The following SFMBT2 variants were observed in gnomAD, a reference collection of about 807,000 sequenced individuals.
SFMBT2 encodes scm-like with four MBT domains protein 2.
In SFMBT2, 38 loss-of-function variants were observed where a neutral mutation model predicts 110.1. That is an observed-to-expected ratio of 0.35 (90% CI 0.27 to 0.45). The LOEUF (loss-of-function observed/expected upper bound fraction) is 0.45, where lower values mean the gene tolerates loss of function less well. Among genes scored for constraint, SFMBT2 ranks in the 20% least tolerant of loss-of-function variants. The probability of loss-of-function intolerance (pLI) is 1.00; values close to 1 mark genes in which losing one functional copy is unlikely to be tolerated. For synonymous variants in SFMBT2, 425 were observed against 425.4 expected (o/e 1.00, Z 0.01); for missense variants, 1,011 against 1,094.9 (o/e 0.92, Z 1.08).
intron 12 of SFMBT2, chr10:7,203,175 TCCAA>T: frequency 2.2e-6 from 2 of 927,918 alleles, no homozygotes; most frequent in Non-Finnish European, 2.6e-6. Context: ...ATAAATTAAT[TCCAA>T]CAAAACTTCT....
chr10:7,239,260 A>T (rs1284687096), intron 9 of SFMBT2, among the ~76,000 whole-genome samples: 1 of 152,230 alleles, frequency 6.6e-6, no homozygotes, highest in Non-Finnish European at 1.5e-5. Flanking sequence ...AACCCAATAC[A>T]TTCATGGGAA....
At chr10:7,264,264 C>G (rs555699773) in intron 7 of SFMBT2, 2 of 240,526 alleles carry the variant, frequency 8.3e-6, no homozygotes, top group African/African-American at 4.6e-5. Context: ...CCAACCAAAC[C>G]AGACTCAATG....
chr10:7,355,682 G>A (rs975090037), intron 4 of SFMBT2, among the ~76,000 whole-genome samples: 3 of 152,098 alleles, frequency 2.0e-5, no homozygotes, highest in Non-Finnish European at 4.4e-5. Flanking sequence ...GCGTGGTGGC[G>A]GGCGCCTGTA....
intron 11 of SFMBT2, chr10:7,206,483 C>T: frequency 2.0e-6 from 2 of 985,388 alleles, no homozygotes; most frequent in Non-Finnish European, 2.4e-6. Flanking sequence ...GGACAAGGCC[C>T]TTCTCTAGGA....
intron 9 of SFMBT2, among the ~76,000 whole-genome samples, chr10:7,230,523 C>T (rs1840086604): frequency 6.6e-6 from 1 of 152,232 alleles, no homozygotes. Context: ...GGGCCTGGAA[C>T]TGGAGAAGAG....
At chr10:7,190,562 C>T (rs1242941941) in intron 15 of SFMBT2, among the ~76,000 whole-genome samples, 2 of 152,222 alleles carry the variant, frequency 1.3e-5, no homozygotes, top group Non-Finnish European at 2.9e-5. Flanking sequence ...TCAACAAGCT[C>T]TCTATAAAAC....
chr10:7,352,130 C>T (rs1443060054), intron 4 of SFMBT2, among the ~76,000 whole-genome samples: 10 of 152,200 alleles, frequency 6.6e-5, no homozygotes, highest in Admixed American at 2.6e-4. Flanking sequence ...GTATACTGGT[C>T]GGAGGAGCCA....
At chr10:7,406,252 AAAAG>A (rs1367342491) in intron 1 of SFMBT2, among the ~76,000 whole-genome samples, 2 of 152,094 alleles carry the variant, frequency 1.3e-5, no homozygotes, top group Non-Finnish European at 2.9e-5. Context: ...ATTATTTAAA[AAAAG>A]AAAAAGAAAA....
chr10:7,173,821 G>A (rs567071358), intron 17 of SFMBT2, among the ~76,000 whole-genome samples: 2 of 152,288 alleles, frequency 1.3e-5, no homozygotes, highest in South Asian at 4.1e-4. Flanking sequence ...AATGGCAAAT[G>A]CACCACCCCT....
chr10:7,322,253 G>A (rs917301945), intron 4 of SFMBT2, among the ~76,000 whole-genome samples: 4 of 152,344 alleles, frequency 2.6e-5, no homozygotes, highest in Admixed American at 2.0e-4. Flanking sequence ...CTGCCACCAT[G>A]TAAGATGTGC....
At chr10:7,247,297 AG>A (rs1336388062) in intron 8 of SFMBT2, among the ~76,000 whole-genome samples, 1 of 152,066 alleles carries the variant, frequency 6.6e-6, no homozygotes, top group African/African-American at 2.4e-5. Flanking sequence ...TTGTATTTTT[AG>A]TAGAGACGGG....
chr10:7,333,849 G>A (rs772191996), intron 4 of SFMBT2, among the ~76,000 whole-genome samples: 5 of 149,364 alleles, frequency 3.3e-5, no homozygotes, highest in South Asian at 4.2e-4. Flanking sequence ...GTTAAATATC[G>A]TCTTTCTTTA....
At chr10:7,195,862 C>G (rs985225197) in intron 15 of SFMBT2, among the ~76,000 whole-genome samples, 2 of 152,188 alleles carry the variant, frequency 1.3e-5, no homozygotes, top group Non-Finnish European at 1.5e-5. Context: ...TCATGTGGGC[C>G]AGGGACCACC....
intron 7 of SFMBT2, among the ~76,000 whole-genome samples, chr10:7,253,362 T>C (rs1052001310): frequency 2.0e-5 from 3 of 152,144 alleles, no homozygotes; most frequent in Non-Finnish European, 4.4e-5. Context: ...AGTGGAGGCA[T>C]CTTATGGTAC....
At chr10:7,292,157 C>T (rs1490963924) in intron 4 of SFMBT2, 2 of 176,348 alleles carry the variant, frequency 1.1e-5, no homozygotes, top group East Asian at 1.9e-4. Flanking sequence ...AGTGCTTAAT[C>T]CACTGAAACT....
intron 20 of SFMBT2, among the ~76,000 whole-genome samples, chr10:7,164,848 C>T (rs1837656162): frequency 6.6e-6 from 1 of 151,884 alleles, no homozygotes; most frequent in Non-Finnish European, 1.5e-5. Context: ...AGATCTGTTG[C>T]CCCACTGTGT....
At chr10:7,177,858 T>G (rs1056049740) in intron 16 of SFMBT2, among the ~76,000 whole-genome samples, 2 of 110,094 alleles carry the variant, frequency 1.8e-5, no homozygotes, top group Admixed American at 1.0e-4. Flanking sequence ...GCTCTGTCTC[T>G]TAAAAAAAAA....
intron 4 of SFMBT2, among the ~76,000 whole-genome samples, chr10:7,343,885 C>T (rs1378278693): frequency 6.6e-6 from 1 of 152,182 alleles, no homozygotes; most frequent in Non-Finnish European, 1.5e-5. Context: ...TGTTCTGTTC[C>T]TCCAAGAATC....
chr10:7,248,557 C>T lies in SFMBT2; in HGVS notation c.963G>A (p.Ser321=), dbSNP rs761951378. The T allele has an allele frequency of 2.3e-5, 37 of 1,613,722 alleles. No homozygotes were observed. The highest frequency in any genetic ancestry group is 6.7e-5 in the East Asian group (3 of 44,872). The change falls in exon 8 of 21, where the codon TCG becomes TCA. Residue 321 remains serine, a synonymous_variant. Transcript: ENST00000397167. The part of the protein sequence containing the change: ...MCEPFYISPA[S]VTKVFNNHFF... ...AGGGAGGAAAACCCACCTTAGTCAC[C>T]GACGCAGGAGAGATGTAAAAGGGCT...
Sources: gnomAD v4.1 joint callset for allele counts (sites outside exome capture counted in the v4.1 genomes callset) on GRCh38, gnomAD v4.1.1 for gene constraint, MANE v1.5 for transcripts, NCBI Gene and HGNC (gene_info 2026-07-23, HGNC 2026-07-21) for gene names.